IFT27: variants seen among roughly 807,000 people sequenced by gnomAD.
IFT27 encodes intraflagellar transport protein 27 homolog.
IFT27 carries 19 observed loss-of-function variants against 23.9 expected under a neutral mutation model. The ratio of observed to expected loss-of-function variants is 0.79; its 90% CI spans 0.55 to 1.16. IFT27 has a LOEUF of 1.16. Among genes scored for constraint, IFT27 ranks in the 50% most tolerant of loss-of-function variants. The probability of loss-of-function intolerance (pLI) is 0.00; values close to 1 mark genes in which losing one functional copy is unlikely to be tolerated. For synonymous variants in IFT27, 91 were observed against 89.1 expected (o/e 1.02, Z -0.12); for missense variants, 206 against 228.7 (o/e 0.90, Z 0.64).
At chr22:36,765,044 A>C (rs1938209545) in intron 4 of IFT27, among the ~76,000 whole-genome samples, 1 of 151,914 alleles carries the variant, frequency 6.6e-6, no homozygotes, top group Non-Finnish European at 1.5e-5. Flanking sequence ...GCTCCTCCTC[A>C]CCCTACAAGG....
intron 3 of IFT27, 157 bp downstream of exon 3, chr22:36,767,149 C>T: frequency 1.8e-6 from 1 of 564,160 alleles, no homozygotes; most frequent in Non-Finnish European, 3.2e-6. Context: ...CTCCTCAGTC[C>T]CTCCCTTGAA....
Position 36,775,769 on chromosome 22 carries a change from G to A in IFT27, c.-62C>T. 6.3e-7 allele frequency: 1 copy of A among 1,578,938 alleles called. No individual in the cohort carries two copies. The highest frequency in any genetic ancestry group is 8.7e-7 in the Non-Finnish European group (1 of 1,148,262). On this transcript the variant is annotated 5_prime_UTR_variant, in exon 1 of 7. Coordinates refer to ENST00000433985, the MANE Select transcript of IFT27 (RefSeq NM_001177701.3). ...AAGAGCGGCTGCTAGAGACGCGAGTGGGTGGGCTTCGGGCCCTGGGCTGGC... is the reference window on the plus strand; with the variant it reads ...AAGAGCGGCTGCTAGAGACGCGAGTAGGTGGGCTTCGGGCCCTGGGCTGGC...
chr22:36,767,985 C>T (rs1469836649), intron 1 of IFT27, 123 bp from the exon 2 acceptor site: 14 of 899,634 alleles, frequency 1.6e-5, no homozygotes, highest in Non-Finnish European at 2.3e-5. Flanking sequence ...GTACTTGCCT[C>T]TCACGGGAAC....
At chr22:36,763,797 A>G (rs1938162630) in intron 5 of IFT27, 122 bp downstream of exon 5, 1 of 761,804 alleles carries the variant, frequency 1.3e-6, no homozygotes. Flanking sequence ...TGTACGCCTT[A>G]GGCCATCAAA....
intron 4 of IFT27, among the ~76,000 whole-genome samples, chr22:36,764,826 G>A (rs937426980): frequency 2.0e-5 from 3 of 152,214 alleles, no homozygotes; most frequent in Non-Finnish European, 2.9e-5. Flanking sequence ...GATGTAGAAT[G>A]GCCCTGTACA....
chr22:36,767,943 G>T, intron 1 of IFT27, 81 bp from the exon 2 acceptor site: 1 of 1,296,956 alleles, frequency 7.7e-7, no homozygotes, highest in Non-Finnish European at 1.1e-6. Context: ...CATTAGTCTA[G>T]AAACCAAAAA....
intron 3 of IFT27, chr22:36,766,433 G>T: frequency 3.8e-6 from 2 of 528,136 alleles, no homozygotes; most frequent in Non-Finnish European, 6.9e-6. Context: ...CACTTTCTGT[G>T]TGGAGTCTCA....
At chr22:36,770,378 C>A (rs898722108) in intron 1 of IFT27, among the ~76,000 whole-genome samples, 2 of 152,152 alleles carry the variant, frequency 1.3e-5, no homozygotes, top group African/African-American at 2.4e-5. Context: ...CCCTCTGCCC[C>A]CCGAGTGTGG....
At chr22:36,760,301 A>G (rs562747137) in intron 6 of IFT27, 3 of 152,258 alleles carry the variant, frequency 2.0e-5, no homozygotes, top group Non-Finnish European at 4.4e-5. Context: ...AAAACACTCC[A>G]CAATGCAATC....
At position 36,775,594 on chromosome 22, in the gene IFT27, G is replaced by A. The variant is rs1051597507; in HGVS notation, c.34+80C>T. 28 of 1,485,668 alleles carry A rather than the reference G, an allele frequency of 1.9e-5. No individual in the cohort carries two copies. The Admixed American group carries it at 2.8e-4, about 15-fold the overall frequency. 92.0% of individuals were successfully genotyped at this position (1,485,668 alleles called of 1,614,324 possible). ...AGAAAGGAAAAGGTAGGCAATTTAG[G>A]TGAACAAAAGCTCTGGATGAATTAT... On this transcript the variant is annotated intron_variant, in intron 1 of 6. Transcript: ENST00000433985.
chr22:36,768,835 T>TCC (rs1938326553), intron 1 of IFT27, among the ~76,000 whole-genome samples: 1 of 152,200 alleles, frequency 6.6e-6, no homozygotes, highest in African/African-American at 2.4e-5. Flanking sequence ...CACTCCACCG[T>TCC]CCAGGTCCTG....
Position 36,767,295 on chromosome 22 carries a change from G to C in IFT27, c.174+11C>G, listed in dbSNP as rs1167650304. The C allele has an allele frequency of 1.9e-6, 3 of 1,611,608 alleles. No homozygotes were observed. Among genetic ancestry groups the C allele is most frequent in the South Asian group, 2.2e-5 (2 of 91,016 alleles). Reference sequence around the variant, plus strand: ...GAGCCCTGAGTTCCCCTGGGTAAAGGCATCACTCACCACACTGTCTCCCGT... The same window carrying C: ...GAGCCCTGAGTTCCCCTGGGTAAAGCCATCACTCACCACACTGTCTCCCGT... On this transcript the variant is annotated intron_variant, in intron 3 of 6. Coordinates refer to ENST00000433985, the MANE Select transcript of IFT27 (RefSeq NM_001177701.3).
At chr22:36,763,522 T>C (rs900647285) in intron 5 of IFT27, 29 of 343,072 alleles carry the variant, frequency 8.5e-5, no homozygotes, top group African/African-American at 5.7e-4. Flanking sequence ...TGATCTCACA[T>C]AGGGACGAAA....
At position 36,775,883 on chromosome 22, in the gene IFT27, GC is replaced by G. The variant is rs1338285579; in HGVS notation, c.-177del. 2.1e-6 allele frequency: 1 copy of G among 486,372 alleles called. No homozygotes were observed. The highest frequency in any genetic ancestry group is 3.2e-5 in the East Asian group (1 of 30,968). The allele number at this position is 486,372 out of a possible 1,614,324, so 30.1% of individuals were successfully genotyped here. A position where few individuals can be genotyped will look rare whatever the true frequency, so the allele number is the denominator to read the frequency against. On this transcript the variant is annotated 5_prime_UTR_variant, in exon 1 of 7. Coordinates refer to ENST00000433985, the MANE Select transcript of IFT27 (RefSeq NM_001177701.3). Reference sequence around the variant, plus strand: ...GGATGACCGAGCCCGGCCCTTCTGGGCCGGGGGCGGATATCGGGCGCTGGGG... The same window carrying G: ...GGATGACCGAGCCCGGCCCTTCTGGGCGGGGGCGGATATCGGGCGCTGGGG...
intron 1 of IFT27, among the ~76,000 whole-genome samples, chr22:36,771,120 G>A (rs1461120614): frequency 2.7e-5 from 4 of 150,900 alleles, no homozygotes; most frequent in Admixed American, 6.6e-5. Flanking sequence ...CAGCGCCAGC[G>A]GGCAGTGCCC....
Sources: allele counts gnomAD v4.1 joint callset (sites outside exome capture counted in the v4.1 genomes callset), GRCh38; gene constraint gnomAD v4.1.1; transcripts MANE v1.5; gene names NCBI Gene and HGNC (gene_info 2026-07-23, HGNC 2026-07-21).